The following CD9 variants were observed in gnomAD, a reference collection of about 807,000 sequenced individuals.
CD9 encodes CD9 antigen.
Under a neutral mutation model 31.4 loss-of-function variants are expected in CD9, and 10 were observed. The observed-to-expected ratio is 0.32, with a 90% confidence interval of 0.20 to 0.54. The LOEUF is 0.54. Among genes scored for constraint, CD9 ranks in the 20% least tolerant of loss-of-function variants. The pLI is 0.94. For missense variants in CD9, 259 were observed against 300.1 expected (o/e 0.86, Z 1.01); for synonymous variants, 113 against 114.1 (o/e 0.99, Z 0.06).
At chr12:6,208,178 C>T (rs182133953) in intron 1 of CD9, among the ~76,000 whole-genome samples, 1 of 150,338 alleles carries the variant, frequency 6.7e-6, no homozygotes, top group Non-Finnish European at 1.5e-5. Context: ...GAGCTGAAAT[C>T]GTGCCATTGC....
intron 1 of CD9, among the ~76,000 whole-genome samples, chr12:6,205,236 C>T (rs1367721234): frequency 6.6e-6 from 1 of 152,222 alleles, no homozygotes; most frequent in Non-Finnish European, 1.5e-5. Context: ...TATCTGCTTC[C>T]TTTGCCCAGG....
intron 1 of CD9, among the ~76,000 whole-genome samples, chr12:6,202,236 T>A (rs755912161): frequency 1.3e-5 from 2 of 152,118 alleles, no homozygotes; most frequent in East Asian, 1.9e-4. Flanking sequence ...GAGGACGGCA[T>A]ATAGGTGTGC....
intron 1 of CD9, 140 bp from the exon 2 acceptor site, chr12:6,225,286 A>AT: frequency 1.6e-6 from 1 of 643,210 alleles, no homozygotes; most frequent in Non-Finnish European, 2.8e-6. Flanking sequence ...CCGTAATGGC[A>AT]TCTACAACTA....
At position 6,232,468 on chromosome 12, in the gene CD9, A is replaced by C. The variant is rs1186119898; in HGVS notation, c.176-164A>C. 2 of 649,642 alleles carry C rather than the reference A, an allele frequency of 3.1e-6. No individual in the cohort carries two copies. The highest frequency in any genetic ancestry group is 4.6e-5 in the Admixed American group (2 of 43,860). The allele number at this position is 649,642 out of a possible 1,614,324, so 40.2% of individuals were successfully genotyped here. On this transcript the variant is annotated intron_variant, in intron 2 of 7. Coordinates refer to ENST00000009180, the MANE Select transcript of CD9 (RefSeq NM_001769.4). This position sits in a 1 kb window ranked among gnomAD's most constrained non-coding sequence, Gnocchi z 4.8. ...GGAAGGAGACCTGGGGCAGAGGTGGAAGAGGAGGCTGTATTTTAAGGAAAG... is the reference window on the plus strand; with the variant it reads ...GGAAGGAGACCTGGGGCAGAGGTGGCAGAGGAGGCTGTATTTTAAGGAAAG...
intron 4 of CD9, among the ~76,000 whole-genome samples, chr12:6,233,890 C>T (rs11568264): frequency 3.9e-3 from 582 of 150,764 alleles, no homozygotes; most frequent in African/African-American, 0.014. Flanking sequence ...GTGCTGCCCC[C>T]ATGAGCCAAG....
intron 1 of CD9, among the ~76,000 whole-genome samples, chr12:6,224,218 C>T (rs1312557281): frequency 6.6e-6 from 1 of 152,168 alleles, no homozygotes; most frequent in African/African-American, 2.4e-5. Flanking sequence ...TTTAGCCATA[C>T]CTAAAAGGCA....
At position 6,212,415 on chromosome 12, in the gene CD9, A is replaced by G. The variant is rs139048422; in HGVS notation, c.66+11850A>G. Among the ~76,000 whole-genome samples the G allele has an allele frequency of 5.2e-3, 795 of 152,322 alleles. 7 individuals are homozygous for G. Among genetic ancestry groups the G allele is most frequent in the African/African-American group, 0.018 (749 of 41,568 alleles). ...TGCATTGCATTACTGTTGCTCCCAC[A>G]GGGAATGTTCTCTTGTAAAGTAATG... is the stretch of plus-strand genomic sequence containing the variant. On this transcript the variant is annotated intron_variant, in intron 1 of 7. Coordinates refer to ENST00000009180, the MANE Select transcript of CD9 (RefSeq NM_001769.4).
At chr12:6,220,230 C>T (rs1205421420) in intron 1 of CD9, among the ~76,000 whole-genome samples, 3 of 152,158 alleles carry the variant, frequency 2.0e-5, no homozygotes, top group Non-Finnish European at 1.5e-5. Context: ...TAGGCGATCA[C>T]GACAGCATTC....
chr12:6,223,636 G>A (rs1350687288), intron 1 of CD9, among the ~76,000 whole-genome samples: 3 of 152,108 alleles, frequency 2.0e-5, no homozygotes, highest in South Asian at 2.1e-4. Context: ...AGTCAAGACC[G>A]CCCAGTGTGT....
chr12:6,228,990 T>A (rs1180692081), intron 2 of CD9, among the ~76,000 whole-genome samples: 1 of 152,176 alleles, frequency 6.6e-6, no homozygotes, highest in Non-Finnish European at 1.5e-5. Context: ...GAAAAGCAAG[T>A]GAAAACCTTT....
chr12:6,207,722 G>A (rs1408992183), intron 1 of CD9, among the ~76,000 whole-genome samples: 1 of 152,216 alleles, frequency 6.6e-6, no homozygotes, highest in African/African-American at 2.4e-5. Flanking sequence ...CAGCCTGGTT[G>A]AGTAACTGGG....
intron 1 of CD9, 56 bp from the exon 2 acceptor site, chr12:6,225,370 G>A: frequency 8.7e-7 from 1 of 1,154,232 alleles, no homozygotes; most frequent in Non-Finnish European, 1.3e-6. Context: ...AAGCGCGTGG[G>A]GACTGTGTTG....
intron 2 of CD9, chr12:6,226,432 G>A (rs1052038321): frequency 2.0e-5 from 3 of 152,166 alleles, no homozygotes; most frequent in Non-Finnish European, 2.9e-5. Flanking sequence ...ATGTTGTCAG[G>A]CTCAAAATGT....
chr12:6,207,584 G>C (rs1354217978), intron 1 of CD9, among the ~76,000 whole-genome samples: 1 of 152,238 alleles, frequency 6.6e-6, no homozygotes, highest in East Asian at 1.9e-4. Context: ...CAGGAAGAAA[G>C]GAGGTCTGTC....
chr12:6,200,241 CG>C (rs1198049550), upstream of CD9: 763 of 41,970 alleles, frequency 0.018, 22 homozygotes, highest in South Asian at 0.31. Flanking sequence ...TGGGCGGGGG[CG>C]GGGGGCGGGG....
At chr12:6,233,173 T>C (rs1946473156) in intron 3 of CD9, 2 of 650,336 alleles carry the variant, frequency 3.1e-6, no homozygotes, top group Non-Finnish European at 2.8e-6. Context: ...AGTTCTGGGC[T>C]CAGCTGTGCT....
chr12:6,204,030 G>A (rs1347254186), intron 1 of CD9, among the ~76,000 whole-genome samples: 5 of 131,162 alleles, frequency 3.8e-5, no homozygotes, highest in African/African-American at 1.4e-4. Context: ...CCTAGGGGAG[G>A]CTGGTGCGAA....
At position 6,235,555 on chromosome 12, in the gene CD9, T is replaced by A; in HGVS notation, c.527T>A (p.Phe176Tyr). ...ICPKKDVLETFTVKSCPDAIK... is the reference protein window; with the variant it reads ...ICPKKDVLETYTVKSCPDAIK... ...CCCAAGAAGGACGTACTCGAAACCT[T>A]CACCGTGAAGGTAAACTCAGACCAG... Residue 176 changes from phenylalanine to tyrosine, a missense_variant, in exon 6 of 8, where the codon TTC becomes TAC. Physicochemically the swap from Phe to Tyr is conservative, Grantham distance 22. Coordinates refer to ENST00000009180, the MANE Select transcript of CD9 (RefSeq NM_001769.4). The A allele has an allele frequency of 6.2e-7, 1 of 1,612,336 alleles. No individual in the cohort carries two copies. Among genetic ancestry groups the A allele is most frequent in the Non-Finnish European group, 8.5e-7 (1 of 1,178,698 alleles).
chr12:6,234,648 G>A lies in CD9; in HGVS notation c.349-581G>A, dbSNP rs191033719. ...GACATTAAATTGGGATGCGCCAGGC[G>A]CAGGCACATAATAATACATCCCCTA... On this transcript the variant is annotated intron_variant, in intron 4 of 7. Coordinates refer to ENST00000009180, the MANE Select transcript of CD9 (RefSeq NM_001769.4). 1.1e-4 allele frequency among the ~76,000 whole-genome samples: 17 copies of A among 152,384 alleles called. No individual in the cohort carries two copies. The East Asian group carries it at 1.2e-3, about 10-fold the overall frequency.
Sources: gnomAD v4.1 joint callset for allele counts (sites outside exome capture counted in the v4.1 genomes callset) on GRCh38, gnomAD v4.1.1 for gene constraint, Gnocchi (gnomAD v3.1) non-coding constraint, MANE v1.5 for transcripts, NCBI Gene and HGNC (gene_info 2026-07-23, HGNC 2026-07-21) for gene names.